LRRC3B: variants seen among roughly 807,000 people sequenced by gnomAD.
LRRC3B encodes leucine rich repeat containing 3B.
In LRRC3B, 2 loss-of-function variants were observed where a neutral mutation model predicts 12.8. That is an observed-to-expected ratio of 0.16 (90% CI 0.06 to 0.49). The LOEUF (loss-of-function observed/expected upper bound fraction) is 0.49, where lower values mean the gene tolerates loss of function less well. Among genes scored for constraint, LRRC3B ranks in the 20% least tolerant of loss-of-function variants. The probability of loss-of-function intolerance (pLI) is 0.96; values close to 1 mark genes in which losing one functional copy is unlikely to be tolerated. For synonymous variants in LRRC3B, 132 were observed against 122.0 expected (o/e 1.08, Z -0.54); for missense variants, 189 against 319.4 (o/e 0.59, Z 3.11).
intron 1 of LRRC3B, among the ~76,000 whole-genome samples, chr3:26,698,883 C>G (rs1196650397): frequency 2.0e-5 from 3 of 152,046 alleles, no homozygotes; most frequent in Non-Finnish European, 4.4e-5. Context: ...ACCTTACATA[C>G]AGTATACATT....
intron 1 of LRRC3B, among the ~76,000 whole-genome samples, chr3:26,678,419 G>A (rs1271025715): frequency 6.6e-6 from 1 of 152,048 alleles, no homozygotes; most frequent in East Asian, 1.9e-4. Flanking sequence ...GCTTGAGCCT[G>A]GGAGGCGAAG....
In LRRC3B at chr3:26,633,315, A is replaced by G. The variant is rs115100827; in HGVS notation, c.-161+10078A>G. The stretch of plus-strand genomic sequence containing the variant: ...GTGGGAAATTTTTCTAACCTTTAGT[A>G]TGCCTCAGTTTTCTCTATGTGAAAT... On this transcript the variant is annotated intron_variant, in intron 1 of 1. Coordinates refer to ENST00000396641, the Ensembl canonical transcript of LRRC3B. 4.5e-3 allele frequency among the ~76,000 whole-genome samples: 678 copies of G among 152,300 alleles called. 1 individual carries two copies. The highest frequency in any genetic ancestry group is 7.8e-3 in the Non-Finnish European group (528 of 68,024).
chr3:26,695,305 A>T (rs1263395385), intron 1 of LRRC3B, among the ~76,000 whole-genome samples: 1 of 151,974 alleles, frequency 6.6e-6, no homozygotes, highest in Non-Finnish European at 1.5e-5. Context: ...AGGCGGGGGG[A>T]CCACGAGGTC....
chr3:26,689,073 G>A (rs1361289837), intron 1 of LRRC3B, among the ~76,000 whole-genome samples: 1 of 152,128 alleles, frequency 6.6e-6, no homozygotes, highest in Non-Finnish European at 1.5e-5. Context: ...GCAGACCTGC[G>A]ATGTTTCCTA....
At chr3:26,643,245 C>CAT (rs1332561396) in intron 1 of LRRC3B, among the ~76,000 whole-genome samples, 1 of 138,576 alleles carries the variant, frequency 7.2e-6, no homozygotes, top group South Asian at 2.6e-4. Context: ...TGTATACACA[C>CAT]ATATGTGTGA....
intron 1 of LRRC3B, among the ~76,000 whole-genome samples, chr3:26,685,370 T>TGCTTGTCAAAATGCTACC (rs1700054629): frequency 6.6e-6 from 1 of 151,394 alleles, no homozygotes; most frequent in Non-Finnish European, 1.5e-5. Context: ...CTTCAGTCTC[T>TGCTTGTCAAAATGCTACC]GCTTGTCAAA....
chr3:26,642,866 A>C (rs918506433), intron 1 of LRRC3B, among the ~76,000 whole-genome samples: 1 of 151,846 alleles, frequency 6.6e-6, no homozygotes, highest in African/African-American at 2.4e-5. Context: ...AAAATACAAA[A>C]ATTAGCTGGG....
intron 1 of LRRC3B, among the ~76,000 whole-genome samples, chr3:26,645,927 G>A (rs1354027745): frequency 6.6e-6 from 1 of 152,094 alleles, no homozygotes; most frequent in Non-Finnish European, 1.5e-5. Flanking sequence ...TCATATCAAG[G>A]TCAAAGGCCT....
intron 1 of LRRC3B, among the ~76,000 whole-genome samples, chr3:26,665,626 GT>G (rs1315796273): frequency 1.3e-5 from 2 of 152,146 alleles, no homozygotes; most frequent in African/African-American, 2.4e-5. Flanking sequence ...CTGACACTAA[GT>G]TTGGCTAAAT....
chr3:26,627,572 G>A (rs1362511083), intron 1 of LRRC3B, among the ~76,000 whole-genome samples: 1 of 152,090 alleles, frequency 6.6e-6, no homozygotes, highest in Non-Finnish European at 1.5e-5. Context: ...AGGCACCCAA[G>A]TGTGACCAAA....
At chr3:26,702,999 A>C (rs764475314) in intron 1 of LRRC3B, among the ~76,000 whole-genome samples, 9 of 152,100 alleles carry the variant, frequency 5.9e-5, no homozygotes, top group Non-Finnish European at 1.0e-4. Flanking sequence ...ATGGAAATGG[A>C]GAACTAAAGT....
chr3:26,689,345 G>C (rs1649270377), intron 1 of LRRC3B, among the ~76,000 whole-genome samples: 1 of 152,128 alleles, frequency 6.6e-6, no homozygotes, highest in Admixed American at 6.5e-5. Flanking sequence ...TAGCATCACA[G>C]GTTCAGTAAC....
chr3:26,692,855 T>C (rs1700219507), intron 1 of LRRC3B, among the ~76,000 whole-genome samples: 1 of 152,206 alleles, frequency 6.6e-6, no homozygotes, highest in Non-Finnish European at 1.5e-5. Flanking sequence ...CCTTAGCCTA[T>C]GGTCAGCTGC....
intron 1 of LRRC3B, among the ~76,000 whole-genome samples, chr3:26,645,402 T>C (rs1272899287): frequency 6.6e-6 from 1 of 152,068 alleles, no homozygotes; most frequent in Non-Finnish European, 1.5e-5. Context: ...AATAAGTAAA[T>C]TGACTTGCTC....
chr3:26,682,785 T>C (rs1699997673), intron 1 of LRRC3B, among the ~76,000 whole-genome samples: 1 of 152,230 alleles, frequency 6.6e-6, no homozygotes, highest in African/African-American at 2.4e-5. Flanking sequence ...GCATACTGCA[T>C]GTGGCATTCA....
chr3:26,667,923 A>AT (rs1162374920), intron 1 of LRRC3B, among the ~76,000 whole-genome samples: 7 of 151,548 alleles, frequency 4.6e-5, no homozygotes, highest in Admixed American at 1.3e-4. Flanking sequence ...ATTTTATTTT[A>AT]TTTTTTTATT....
At chr3:26,653,636 T>C (rs1333967629) in intron 1 of LRRC3B, among the ~76,000 whole-genome samples, 1 of 152,184 alleles carries the variant, frequency 6.6e-6, no homozygotes, top group Non-Finnish European at 1.5e-5. Flanking sequence ...ACCTGAAGTC[T>C]AGCTGAGATT....
chr3:26,653,040 C>G (rs958749063), intron 1 of LRRC3B, among the ~76,000 whole-genome samples: 3 of 151,480 alleles, frequency 2.0e-5, no homozygotes, highest in African/African-American at 7.3e-5. Flanking sequence ...ACAGTGCCCC[C>G]TAGTAGATTC....
intron 1 of LRRC3B, among the ~76,000 whole-genome samples, chr3:26,661,667 C>T (rs1163324426): frequency 6.6e-6 from 1 of 152,114 alleles, no homozygotes; most frequent in East Asian, 1.9e-4. Context: ...CCATTCTTTC[C>T]TGTTATAAAC....
Sources: allele counts gnomAD v4.1 joint callset (sites outside exome capture counted in the v4.1 genomes callset), GRCh38; gene constraint gnomAD v4.1.1; transcripts MANE v1.5; gene names NCBI Gene and HGNC (gene_info 2026-07-23, HGNC 2026-07-21).